The following KCNMA1 variants were observed in gnomAD, a reference collection of about 807,000 sequenced individuals.
KCNMA1 encodes Calcium-activated potassium channel subunit alpha-1.
In KCNMA1, 29 loss-of-function variants were observed where a neutral mutation model predicts 140.0. The observed-to-expected ratio is 0.21, with a 90% confidence interval of 0.15 to 0.28. The LOEUF is 0.28. Among genes scored for constraint, KCNMA1 ranks in the 10% least tolerant of loss-of-function variants. The pLI is 1.00. For missense variants in KCNMA1, 880 were observed against 1,602.2 expected, an observed-to-expected ratio of 0.55 and a Z score of 7.70; for synonymous variants, 612 against 611.9, an observed-to-expected ratio of 1.00 and a Z score of 0.00.
intron 19 of KCNMA1, chr10:76,975,230 T>C (rs10762744): frequency 0.56 from 84,369 of 152,000 alleles, 23,774 homozygotes; most frequent in African/African-American, 0.67. Context: ...TAATTCACCA[T>C]GAACAAAACT....
chr10:77,007,372 T>C (rs1243982990), intron 18 of KCNMA1, among the ~76,000 whole-genome samples: 2 of 152,064 alleles, frequency 1.3e-5, no homozygotes, highest in Non-Finnish European at 2.9e-5. Context: ...GAGTACTGAC[T>C]AAAAGAAAAA....
intron 13 of KCNMA1, chr10:77,077,953 C>A (rs1279362836): frequency 6.6e-6 from 1 of 152,248 alleles, no homozygotes; most frequent in Non-Finnish European, 1.5e-5. Flanking sequence ...AAGGGAGCCA[C>A]CTGCCGAGGG....
intron 1 of KCNMA1, among the ~76,000 whole-genome samples, chr10:77,488,280 C>T (rs1248563): frequency 0.11 from 16,205 of 152,176 alleles, 1,167 homozygotes; most frequent in African/African-American, 0.18. Context: ...GATGAGATTT[C>T]CTAGCAGGAA....
intron 1 of KCNMA1, among the ~76,000 whole-genome samples, chr10:77,617,109 G>C (rs915487820): frequency 6.6e-6 from 1 of 152,212 alleles, no homozygotes; most frequent in Non-Finnish European, 1.5e-5. Context: ...ACTCACGTTT[G>C]AGACCCTGTT....
At chr10:77,547,443 A>G (rs1380003327) in intron 1 of KCNMA1, among the ~76,000 whole-genome samples, 1 of 152,170 alleles carries the variant, frequency 6.6e-6, no homozygotes, top group African/African-American at 2.4e-5. Context: ...TGGCTTTAGG[A>G]AGACAGGGAG....
chr10:76,889,840 G>A (rs995638758), intron 26 of KCNMA1: 5 of 512,580 alleles, frequency 9.8e-6, no homozygotes, highest in South Asian at 4.1e-5. Context: ...AAGCTCTAAG[G>A]AGATTATGCT....
At chr10:77,113,280 A>G (rs1301393556) in intron 6 of KCNMA1, among the ~76,000 whole-genome samples, 1 of 152,170 alleles carries the variant, frequency 6.6e-6, no homozygotes, top group African/African-American at 2.4e-5. Flanking sequence ...CTTTGTTCCA[A>G]TAAAACTTTA....
intron 3 of KCNMA1, among the ~76,000 whole-genome samples, chr10:77,205,889 T>C (rs1387472777): frequency 6.6e-6 from 1 of 152,190 alleles, no homozygotes; most frequent in Non-Finnish European, 1.5e-5. Flanking sequence ...CACCTCTGGG[T>C]AGGCAATTCT....
intron 9 of KCNMA1, among the ~76,000 whole-genome samples, chr10:77,103,459 C>T (rs1231100256): frequency 6.6e-6 from 1 of 152,172 alleles, no homozygotes; most frequent in South Asian, 2.1e-4. Flanking sequence ...CTGTGCTGTG[C>T]GGCAGACTAA....
At chr10:77,552,787 G>T (rs752378804) in intron 1 of KCNMA1, among the ~76,000 whole-genome samples, 1 of 152,140 alleles carries the variant, frequency 6.6e-6, no homozygotes, top group Non-Finnish European at 1.5e-5. Context: ...AGTGGCTCAC[G>T]CCTGTAATCT....
At chr10:77,421,574 G>T (rs143789730) in intron 1 of KCNMA1, among the ~76,000 whole-genome samples, 1 of 152,226 alleles carries the variant, frequency 6.6e-6, no homozygotes, top group Admixed American at 6.5e-5. Context: ...AAGGAGTGTG[G>T]TTGTATTCCA....
chr10:77,149,877 G>A (rs1306076666), intron 5 of KCNMA1: 1 of 152,126 alleles, frequency 6.6e-6, no homozygotes, highest in Non-Finnish European at 1.5e-5. Flanking sequence ...CTGCTTAGTG[G>A]TCATGTGGCA....
At chr10:76,971,993 G>T (rs2076234301) in intron 19 of KCNMA1, among the ~76,000 whole-genome samples, 1 of 151,908 alleles carries the variant, frequency 6.6e-6, no homozygotes, top group African/African-American at 2.4e-5. Flanking sequence ...GTGTGTGTGT[G>T]TGTGTAGGTA....
In KCNMA1 at chr10:77,026,728, G is replaced by A. The variant is rs556419408; in HGVS notation, c.1928+1095C>T. Among the ~76,000 whole-genome samples the A allele has an allele frequency of 5.3e-5, 8 of 152,276 alleles. No homozygotes were observed. In the South Asian group the frequency reaches 1.0e-3, roughly 20 times the overall value. The stretch of plus-strand genomic sequence containing the variant: ...TTGACTTTGTGAGCAATCTGATCTG[G>A]TAGTTAAGGTAACAGAAAACATTGG... On this transcript the variant is annotated intron_variant, in intron 16 of 27. Coordinates refer to ENST00000286628, the MANE Select transcript of KCNMA1 (RefSeq NM_001161352.2).
chr10:77,468,805 C>T (rs2098089568), intron 1 of KCNMA1, among the ~76,000 whole-genome samples: 1 of 152,142 alleles, frequency 6.6e-6, no homozygotes, highest in Non-Finnish European at 1.5e-5. Flanking sequence ...GATAATAGTC[C>T]CTTCCTCACA....
chr10:77,431,696 A>T (rs1566810852), intron 1 of KCNMA1, among the ~76,000 whole-genome samples: 1 of 76,346 alleles, frequency 1.3e-5, no homozygotes. Flanking sequence ...AAAAAAAAAA[A>T]AAAAAAAAAA....
intron 1 of KCNMA1, among the ~76,000 whole-genome samples, chr10:77,613,971 G>A (rs1201318598): frequency 6.6e-6 from 1 of 152,170 alleles, no homozygotes; most frequent in Non-Finnish European, 1.5e-5. Context: ...GAGGCTTCAG[G>A]AGCCCTGTGA....
intron 1 of KCNMA1, among the ~76,000 whole-genome samples, chr10:77,592,620 T>C (rs1282564553): frequency 6.6e-6 from 1 of 152,104 alleles, no homozygotes; most frequent in Non-Finnish European, 1.5e-5. Flanking sequence ...AGAAGTGACA[T>C]GTGGGCAAGA....
intron 2 of KCNMA1, among the ~76,000 whole-genome samples, chr10:77,382,990 G>GTATATATATA (rs1401181000): frequency 3.8e-4 from 16 of 42,598 alleles, no homozygotes; most frequent in African/African-American, 2.6e-3. Context: ...GTGTGTGTGT[G>GTATATATATA]TGTGTATATA....
Sources: allele counts gnomAD v4.1 joint callset (sites outside exome capture counted in the v4.1 genomes callset), GRCh38; gene constraint gnomAD v4.1.1; transcripts MANE v1.5; gene names NCBI Gene and HGNC (gene_info 2026-07-23, HGNC 2026-07-21).